Variants in BCO1 observed in about 807,000 individuals in gnomAD.
BCO1 encodes beta-carotene oxygenase 1.
BCO1 carries 54 observed loss-of-function variants against 56.3 expected under a neutral mutation model. The observed-to-expected ratio is 0.96, with a 90% CI of 0.77 to 1.20. BCO1 has a LOEUF of 1.20. Among genes scored for constraint, BCO1 ranks in the 50% most tolerant of loss-of-function variants. The probability of loss-of-function intolerance (pLI) is 0.00; values close to 1 mark genes in which losing one functional copy is unlikely to be tolerated. For missense variants in BCO1, 801 were observed against 690.9 expected (o/e 1.16, Z -1.79); for synonymous variants, 318 against 266.1 (o/e 1.20, Z -1.90).
At chr16:81,266,203 G>C (rs1439120151) in intron 5 of BCO1, among the ~76,000 whole-genome samples, 1 of 152,206 alleles carries the variant, frequency 6.6e-6, no homozygotes, top group African/African-American at 2.4e-5. Flanking sequence ...TGTTCTCCAG[G>C]CCTTCTGGAC....
chr16:81,244,906 T>C (rs577532261), intron 1 of BCO1, among the ~76,000 whole-genome samples: 1 of 152,018 alleles, frequency 6.6e-6, no homozygotes, highest in East Asian at 1.9e-4. Flanking sequence ...GGGGGTTTTT[T>C]TGACACAGAG....
chr16:81,250,511 C>G (rs570025573), intron 2 of BCO1, among the ~76,000 whole-genome samples: 1 of 151,436 alleles, frequency 6.6e-6, no homozygotes, highest in Non-Finnish European at 1.5e-5. Context: ...GTTGGGGTCC[C>G]TGATAAGCTG....
At chr16:81,239,007 T>C (rs767849532) in intron 1 of BCO1, 35 bp downstream of exon 1, 1 of 1,559,550 alleles carries the variant, frequency 6.4e-7, no homozygotes, top group South Asian at 1.2e-5. Flanking sequence ...CTCTTTCTTC[T>C]ATTTATTTTA....
intron 2 of BCO1, among the ~76,000 whole-genome samples, chr16:81,257,844 C>T (rs1906239699): frequency 6.7e-6 from 1 of 148,514 alleles, no homozygotes; most frequent in Non-Finnish European, 1.5e-5. Flanking sequence ...TCCACCATTG[C>T]ACTCCAGCCT....
chr16:81,279,497 T>C (rs182303179), intron 7 of BCO1, among the ~76,000 whole-genome samples: 40 of 152,190 alleles, frequency 2.6e-4, no homozygotes, highest in African/African-American at 8.4e-4. Flanking sequence ...ACGTCATCAA[T>C]AGAAGCAGCT....
intron 5 of BCO1, among the ~76,000 whole-genome samples, chr16:81,267,105 A>G (rs563879129): frequency 3.5e-4 from 54 of 152,284 alleles, no homozygotes; most frequent in Non-Finnish European, 7.1e-4. Context: ...AGGGCGAGGC[A>G]CATGGATGAC....
Position 81,248,405 on chromosome 16 carries a change from CA to C in BCO1, c.193+2823del, listed in dbSNP as rs372084002. ...GCAACAAGAGCGAGGCTCCCTCTCA[CA>C]AAAAAAAAAAAAAAAAAAAATTATA... On this transcript the variant is annotated intron_variant, in intron 2 of 10. Transcript: ENST00000258168. 5.0e-3 allele frequency among the ~76,000 whole-genome samples: 512 copies of C among 102,784 alleles called. 2 individuals are homozygous for C. The highest frequency in any genetic ancestry group is 0.02 in the African/African-American group (479 of 23,666). The allele number at this position is 102,784 out of a possible 152,430, so 67.4% of individuals were successfully genotyped here. A position where few individuals can be genotyped will look rare whatever the true frequency, so the allele number is the denominator to read the frequency against.
rs1908136626 is a variant in BCO1, at chr16:81,285,625, C to T, written c.1293C>T (p.Ile431=). The part of the protein sequence containing the change: ...VFATGVQWSP[I]PTKIIKYDIL... ...CTACAGGAGTTCAGTGGAGTCCAATCCCAACCAAGGTACTGGTCTCTGTGT... is the reference window on the plus strand; with the variant it reads ...CTACAGGAGTTCAGTGGAGTCCAATTCCAACCAAGGTACTGGTCTCTGTGT... Residue 431 remains isoleucine (I), a synonymous_variant, in exon 9 of 11, where the codon ATC becomes ATT. Coordinates refer to ENST00000258168, the MANE Select transcript of BCO1 (RefSeq NM_017429.3). 1.9e-6 allele frequency: 3 copies of T among 1,602,412 alleles called. No homozygotes were observed. Among genetic ancestry groups the T allele is most frequent in the African/African-American group, 1.3e-5 (1 of 74,802 alleles).
chr16:81,269,301 C>CT (rs113430450), intron 6 of BCO1, among the ~76,000 whole-genome samples: 11,622 of 137,182 alleles, frequency 0.085, 1,034 homozygotes, highest in African/African-American at 0.22. Flanking sequence ...TTTAGTTTTT[C>CT]TTTTTTTTTT....
intron 7 of BCO1, among the ~76,000 whole-genome samples, chr16:81,271,065 C>T (rs1907181863): frequency 2.0e-5 from 3 of 150,810 alleles, no homozygotes; most frequent in African/African-American, 7.3e-5. Context: ...TTTTTAACAG[C>T]TTTATTGAGA....
intron 2 of BCO1, among the ~76,000 whole-genome samples, chr16:81,250,446 A>G (rs1905718057): frequency 6.6e-6 from 1 of 152,114 alleles, no homozygotes; most frequent in African/African-American, 2.4e-5. Context: ...GTGGGAAGAT[A>G]CACCAGAAAT....
intron 2 of BCO1, among the ~76,000 whole-genome samples, chr16:81,258,461 C>G (rs993611919): frequency 1.3e-5 from 2 of 152,166 alleles, no homozygotes; most frequent in African/African-American, 2.4e-5. Context: ...AACGTTACTC[C>G]AGGGAGACTG....
intron 2 of BCO1, among the ~76,000 whole-genome samples, chr16:81,256,997 C>T (rs1906178648): frequency 6.6e-6 from 1 of 152,194 alleles, no homozygotes; most frequent in African/African-American, 2.4e-5. Context: ...ATGTTCCAGC[C>T]CAGCCGAACT....
chr16:81,274,642 G>C (rs528369700), intron 7 of BCO1, among the ~76,000 whole-genome samples: 1 of 152,146 alleles, frequency 6.6e-6, no homozygotes, highest in Non-Finnish European at 1.5e-5. Flanking sequence ...ACTTTAGGAG[G>C]CCCAGGCAGG....
chr16:81,284,356 T>C (rs1435739483), intron 8 of BCO1, among the ~76,000 whole-genome samples: 1 of 151,176 alleles, frequency 6.6e-6, no homozygotes, highest in Non-Finnish European at 1.5e-5. Flanking sequence ...ATAATAAGCA[T>C]GATGAAAATT....
chr16:81,278,111 G>A (rs113553626), intron 7 of BCO1, among the ~76,000 whole-genome samples: 18 of 152,042 alleles, frequency 1.2e-4, no homozygotes, highest in Non-Finnish European at 2.1e-4. Context: ...ACGCGATCTC[G>A]GCTCATTGCA....
chr16:81,274,704 C>T (rs570154264), intron 7 of BCO1, among the ~76,000 whole-genome samples: 1 of 152,220 alleles, frequency 6.6e-6, no homozygotes, highest in Non-Finnish European at 1.5e-5. Context: ...AAGGTGAAAC[C>T]CTGTCTCTGC....
At chr16:81,248,295 TG>T (rs929176596) in intron 2 of BCO1, among the ~76,000 whole-genome samples, 9 of 150,408 alleles carry the variant, frequency 6.0e-5, no homozygotes, top group African/African-American at 2.0e-4. Context: ...CCCAGCTACT[TG>T]GGAGGCTGAG....
In BCO1 at chr16:81,270,399, C is replaced by T. The variant is rs1907120092; in HGVS notation, c.1084C>T (p.Pro362Ser). The stretch of plus-strand genomic sequence containing the variant: ...CCCCACCCTCAGGAGGTTTGCCGTG[C>T]CCCTCCACGTGGACAAGGTAATGGC... ...SVPTLRRFAVPLHVDKNAEVG... is the reference protein window; with the variant it reads ...SVPTLRRFAVSLHVDKNAEVG... The change falls in exon 7 of 11, where the codon CCC becomes TCC. Residue 362 changes from proline to serine, a missense_variant. Pro to Ser is a moderately conservative substitution (Grantham distance 74). Transcript: ENST00000258168. 6.2e-7 allele frequency: 1 copy of T among 1,613,920 alleles called. No individual in the cohort carries two copies. Among genetic ancestry groups the T allele is most frequent in the South Asian group, 1.1e-5 (1 of 91,076 alleles).
Sources: allele counts gnomAD v4.1 joint callset (sites outside exome capture counted in the v4.1 genomes callset), GRCh38; gene constraint gnomAD v4.1.1; transcripts MANE v1.5; gene names NCBI Gene and HGNC (gene_info 2026-07-23, HGNC 2026-07-21).